The following PRELID2 variants were observed in gnomAD, a reference collection of about 807,000 sequenced individuals.
The protein encoded by PRELID2 is PRELI domain-containing protein 2.
A neutral mutation model predicts 28.4 loss-of-function variants in PRELID2; 25 were observed. The ratio of observed to expected loss-of-function variants is 0.88; its 90% confidence interval spans 0.64 to 1.23. The LOEUF (loss-of-function observed/expected upper bound fraction) is 1.23, where lower values mean the gene tolerates loss of function less well. PRELID2 is among the 50% of genes most tolerant of loss of function. PRELID2 has a pLI of 0.00. For missense variants in PRELID2, 201 were observed against 214.4 expected, an observed-to-expected ratio of 0.94 and a Z score of 0.39; for synonymous variants, 76 against 71.6, an observed-to-expected ratio of 1.06 and a Z score of -0.31.
At chr5:145,418,819 G>A in the PRELID2 span, among the ~76,000 whole-genome samples, 12 of 151,418 alleles carry the variant, frequency 7.9e-5, no homozygotes, top group Middle Eastern at 3.2e-3. Flanking sequence ...ATGCTGGTGC[G>A]CTGCACCCAC....
the PRELID2 span, among the ~76,000 whole-genome samples, chr5:145,346,310 G>T: frequency 5.9e-5 from 9 of 152,216 alleles, no homozygotes; most frequent in East Asian, 1.5e-3. Context: ...GTCAGCATTT[G>T]GTGATCTTAA....
At chr5:145,231,314 T>C in the PRELID2 span, among the ~76,000 whole-genome samples, 1 of 152,148 alleles carries the variant, frequency 6.6e-6, no homozygotes, top group Non-Finnish European at 1.5e-5. Flanking sequence ...ACATAAGTTC[T>C]TTAGTGGTGG....
At chr5:145,413,685 C>T in the PRELID2 span, among the ~76,000 whole-genome samples, 2 of 151,622 alleles carry the variant, frequency 1.3e-5, no homozygotes, top group Admixed American at 6.6e-5. Context: ...TGGGGAAACA[C>T]ATTTACTCAT....
At position 145,818,050 on chromosome 5, in the gene PRELID2, C is replaced by T. The variant is rs1245969539; in HGVS notation, c.212G>A (p.Ser71Asn). The T allele has an allele frequency of 6.2e-7, 1 of 1,611,640 alleles. No homozygotes were observed. The highest frequency in any genetic ancestry group is 8.5e-7 in the Non-Finnish European group (1 of 1,178,872). Residue 71 changes from serine to asparagine, a missense_variant, in exon 4 of 7, where the codon AGC (serine) becomes AAC (asparagine). Coordinates refer to ENST00000683046, the MANE Select transcript of PRELID2 (RefSeq NM_205846.3). ...TTGGATATTAGGTACTTTCAAAATG[C>T]TCACCTGTCCAACAGAAAGAAAATG... ...NVVPEILRKV[S>N]ILKVPNIQLE... is the part of the protein sequence containing the mutation.
At chr5:145,457,370 A>C in the PRELID2 span, among the ~76,000 whole-genome samples, 2 of 152,206 alleles carry the variant, frequency 1.3e-5, no homozygotes, top group Admixed American at 1.3e-4. Flanking sequence ...TCATCTTGGT[A>C]AATGCTATTC....
intron 1 of PRELID2, among the ~76,000 whole-genome samples, chr5:145,678,049 T>C (rs1008479721): frequency 3.7e-4 from 56 of 152,226 alleles, no homozygotes; most frequent in African/African-American, 1.3e-3. Context: ...AGTTCATTCT[T>C]GCTTCTTGAA....
chr5:145,272,751 C>T, the PRELID2 span, among the ~76,000 whole-genome samples: 2 of 152,046 alleles, frequency 1.3e-5, no homozygotes, highest in South Asian at 4.2e-4. Context: ...TAATTTTAGA[C>T]CATTGATAGA....
intron 1 of PRELID2, among the ~76,000 whole-genome samples, chr5:145,696,250 G>A (rs1755260003): frequency 7.4e-6 from 1 of 134,582 alleles, no homozygotes; most frequent in Non-Finnish European, 1.5e-5. Flanking sequence ...CCTTCTCAAA[G>A]TATTTCACCT....
At chr5:145,229,177 G>A in the PRELID2 span, 1 of 894,868 alleles carries the variant, frequency 1.1e-6, no homozygotes, top group South Asian at 1.3e-5. Flanking sequence ...ACAAGAAAGG[G>A]GAACGATCAG....
chr5:145,481,429 T>C (rs1218392358), intron 1 of PRELID2, among the ~76,000 whole-genome samples: 4 of 151,742 alleles, frequency 2.6e-5, no homozygotes, highest in East Asian at 1.9e-4. Flanking sequence ...TTTCAATCTA[T>C]AGAAAAGGTC....
At chr5:145,353,029 G>A in the PRELID2 span, among the ~76,000 whole-genome samples, 1 of 152,088 alleles carries the variant, frequency 6.6e-6, no homozygotes, top group South Asian at 2.1e-4. Context: ...CTTCTTCTGA[G>A]CCCTCCAAAC....
the PRELID2 span, among the ~76,000 whole-genome samples, chr5:145,391,380 G>C: frequency 6.6e-6 from 1 of 152,212 alleles, no homozygotes; most frequent in Non-Finnish European, 1.5e-5. Flanking sequence ...GGCCTGAGCT[G>C]TATGTTGGCC....
At chr5:145,752,629 C>T (rs1757153739), downstream of PRELID2, among the ~76,000 whole-genome samples, 1 of 152,160 alleles carries the variant, frequency 6.6e-6, no homozygotes, top group African/African-American at 2.4e-5. Flanking sequence ...AGAGGTTTTC[C>T]TCCATCACCC....
intron 1 of PRELID2, among the ~76,000 whole-genome samples, chr5:145,693,173 G>T (rs1274784008): frequency 1.3e-5 from 2 of 149,072 alleles, no homozygotes; most frequent in African/African-American, 2.5e-5. Context: ...TTTGAGACAG[G>T]GTCTGGCTCT....
chr5:145,499,385 C>G (rs577357050), intron 1 of PRELID2, among the ~76,000 whole-genome samples: 52 of 152,320 alleles, frequency 3.4e-4, no homozygotes, highest in African/African-American at 1.3e-3. Flanking sequence ...TGATTTTCCT[C>G]TCTATCTTTT....
chr5:145,491,123 T>C (rs1451166758), intron 1 of PRELID2, among the ~76,000 whole-genome samples: 1 of 152,184 alleles, frequency 6.6e-6, no homozygotes, highest in Non-Finnish European at 1.5e-5. Flanking sequence ...AAAAAGACCA[T>C]GCACAATAAA....
At position 145,525,911 on chromosome 5, in the gene PRELID2, A is replaced by G. The variant is rs192039685; in HGVS notation, n.71-52596T>C. On this transcript the variant is annotated intron_variant and non_coding_transcript_variant, in intron 1 of 2. Coordinates refer to the PRELID2 transcript ENST00000510259. ...AAAGCAGACTCTGCAGCAACTGGAA[A>G]CCTGATCCATTTTCTTTTCTTTCTG... is the stretch of plus-strand genomic sequence containing the variant. Among the ~76,000 whole-genome samples the G allele has an allele frequency of 6.6e-4, 100 of 152,280 alleles. 1 individual carries two copies. The highest frequency in any genetic ancestry group is 2.5e-4 in the Non-Finnish European group (17 of 68,018).
chr5:145,803,127 T>C (rs1753253131), intron 4 of PRELID2, among the ~76,000 whole-genome samples: 1 of 152,152 alleles, frequency 6.6e-6, no homozygotes, highest in South Asian at 2.1e-4. Context: ...CATTCTCCTG[T>C]AAGCACACAG....
At chr5:145,632,767 T>G (rs180678491) in intron 1 of PRELID2, among the ~76,000 whole-genome samples, 17 of 152,282 alleles carry the variant, frequency 1.1e-4, no homozygotes, top group Admixed American at 1.1e-3. Context: ...CCCTCCATGA[T>G]TATGTTACAT....
Sources: allele counts gnomAD v4.1 joint callset (sites outside exome capture counted in the v4.1 genomes callset), GRCh38; gene constraint gnomAD v4.1.1; transcripts MANE v1.5; gene names NCBI Gene and HGNC (gene_info 2026-07-23, HGNC 2026-07-21).